SMC1B: variants seen among roughly 807,000 people sequenced by gnomAD.
The protein encoded by SMC1B is structural maintenance of chromosomes 1B, also known as structural maintenance of chromosomes protein 1B.
Under a neutral mutation model 157.9 loss-of-function variants are expected in SMC1B, and 60 were observed. The observed-to-expected ratio is 0.38, with a 90% CI of 0.31 to 0.47. The LOEUF is 0.47. Ranked by LOEUF, SMC1B falls within the 20% of genes least tolerant of loss-of-function variation. SMC1B has a pLI of 0.99. For missense variants in SMC1B, 1,165 were observed against 1,426.2 expected (o/e 0.82, Z 2.95); for synonymous variants, 445 against 483.0 (o/e 0.92, Z 1.03).
At chr22:45,403,353 T>C (rs2087218300) in intron 4 of SMC1B, among the ~76,000 whole-genome samples, 1 of 152,234 alleles carries the variant, frequency 6.6e-6, no homozygotes, top group Non-Finnish European at 1.5e-5. Context: ...CCACTTTCCA[T>C]TTACTTCTTC....
intron 5 of SMC1B, among the ~76,000 whole-genome samples, chr22:45,400,119 C>T (rs1244740555): frequency 1.3e-5 from 2 of 152,062 alleles, no homozygotes; most frequent in South Asian, 2.1e-4. Context: ...CAGGTATTTC[C>T]TAGTTCCAAC....
chr22:45,358,440 A>C (rs1457961401), intron 19 of SMC1B, among the ~76,000 whole-genome samples: 1 of 152,176 alleles, frequency 6.6e-6, no homozygotes, highest in Non-Finnish European at 1.5e-5. Flanking sequence ...CCAGGTAGAC[A>C]GTGTCAGAAT....
intron 21 of SMC1B, 30 bp downstream of exon 21, chr22:45,353,948 C>T: frequency 1.2e-6 from 1 of 832,876 alleles, no homozygotes; most frequent in Non-Finnish European, 1.7e-6. Flanking sequence ...ACAGAATTCT[C>T]ACTAGTATTT....
At chr22:45,412,565 G>A (rs1433038063) in intron 1 of SMC1B, among the ~76,000 whole-genome samples, 3 of 140,150 alleles carry the variant, frequency 2.1e-5, no homozygotes, top group African/African-American at 8.1e-5. Context: ...GGAGTGCAAT[G>A]GCGTGTCCTT....
chr22:45,369,838 C>T (rs571494511), intron 15 of SMC1B, 116 bp downstream of exon 15: 2 of 669,936 alleles, frequency 3.0e-6, no homozygotes, highest in East Asian at 3.2e-5. Flanking sequence ...GCCACCGTGC[C>T]CGGCCTAGCT....
chr22:45,352,370 CAATAGTT>C, intron 22 of SMC1B, 74 bp downstream of exon 22: 1 of 1,281,544 alleles, frequency 7.8e-7, no homozygotes, highest in Non-Finnish European at 1.1e-6. Flanking sequence ...TTAATAAAGA[CAATAGTT>C]AATATATCTT....
chr22:45,394,554 T>G, intron 8 of SMC1B, 131 bp downstream of exon 8: 34 of 1,105,168 alleles, frequency 3.1e-5, no homozygotes, highest in Middle Eastern at 3.4e-4. Flanking sequence ...GAGCGTCATG[T>G]GAGCCCCGGA....
Position 45,402,455 on chromosome 22 carries a change from A to G in SMC1B, c.732T>C (p.His244=), listed in dbSNP as rs759140526. ...KIHLLNTKLE[H]VNRDLSVKRE... ...TTTTGACACTCAAATCCCTATTCACATGCTCTAACTTGGTGTTCAGGAGAT... is the reference window on the plus strand; with the variant it reads ...TTTTGACACTCAAATCCCTATTCACGTGCTCTAACTTGGTGTTCAGGAGAT... The change falls in exon 5 of 25, where the codon CAT becomes CAC. Residue 244 remains histidine, a synonymous_variant. Transcript: ENST00000357450. The G allele has an allele frequency of 3.1e-6, 5 of 1,613,806 alleles. No individual in the cohort carries two copies. Among genetic ancestry groups the G allele is most frequent in the Non-Finnish European group, 4.2e-6 (5 of 1,179,882 alleles).
intron 10 of SMC1B, 113 bp downstream of exon 10, chr22:45,389,599 G>A: frequency 1.2e-6 from 1 of 837,488 alleles, no homozygotes. Context: ...TTGCCTAACT[G>A]GCATCCAAGC....
intron 4 of SMC1B, 41 bp from the exon 5 acceptor site, chr22:45,402,612 T>C (rs760244346): frequency 7.0e-7 from 1 of 1,433,820 alleles, no homozygotes; most frequent in Non-Finnish European, 9.7e-7. Context: ...AAAGGGAGTG[T>C]ATTTAAGTTG....
chr22:45,413,275 G>C (rs1325197237), intron 1 of SMC1B, among the ~76,000 whole-genome samples, 184 bp downstream of exon 1: 5 of 152,138 alleles, frequency 3.3e-5, no homozygotes, highest in Non-Finnish European at 7.4e-5. Context: ...CGGGGCTGAG[G>C]TGGGGTGATG....
chr22:45,353,922 A>AAAAAAAAAAAC, intron 21 of SMC1B, 56 bp downstream of exon 21: 1 of 1,033,200 alleles, frequency 9.7e-7, no homozygotes. Flanking sequence ...AAAAAAAAAC[A>AAAAAAAAAAAC]ACCACCACCG....
At chr22:45,391,585 T>C (rs1224853467) in intron 9 of SMC1B, among the ~76,000 whole-genome samples, 2 of 152,236 alleles carry the variant, frequency 1.3e-5, no homozygotes, top group Non-Finnish European at 2.9e-5. Context: ...TGATTTGCTA[T>C]GGCGGATAAC....
Position 45,371,558 on chromosome 22 carries a change from T to A in SMC1B, c.2226A>T (p.Leu742=), listed in dbSNP as rs2086831908. Residue 742 remains leucine, a synonymous_variant, in exon 14 of 25, where the codon CTA becomes CTT. Coordinates refer to ENST00000357450, the MANE Select transcript of SMC1B (RefSeq NM_148674.5). ...ACATAATACATTGAGACTCAATATTTAGTAGTTCACTTTGTAACTGAGATT... is the reference window on the plus strand; with the variant it reads ...ACATAATACATTGAGACTCAATATTAAGTAGTTCACTTTGTAACTGAGATT... ...QEQSQLQSEL[L]NIESQCIMLS... is the part of the protein sequence containing the mutation. 2 of 1,594,580 alleles carry A rather than the reference T, an allele frequency of 1.3e-6. No individual in the cohort carries two copies. Among genetic ancestry groups the A allele is most frequent in the Non-Finnish European group, 1.7e-6 (2 of 1,173,306 alleles).
intron 1 of SMC1B, among the ~76,000 whole-genome samples, chr22:45,412,415 G>T (rs1354733879): frequency 2.8e-5 from 4 of 143,232 alleles, no homozygotes; most frequent in Admixed American, 7.1e-5. Flanking sequence ...TGGTCAGGCT[G>T]GTCTCGAACT....
chr22:45,375,130 G>A (rs2086872367), intron 12 of SMC1B, among the ~76,000 whole-genome samples: 4 of 152,198 alleles, frequency 2.6e-5, no homozygotes, highest in Admixed American at 2.6e-4. Context: ...TCCCCACTCT[G>A]TTCACCAAGA....
intron 5 of SMC1B, among the ~76,000 whole-genome samples, chr22:45,400,105 T>C (rs1408119438): frequency 3.3e-5 from 5 of 152,216 alleles, no homozygotes; most frequent in Non-Finnish European, 1.5e-5. Flanking sequence ...ATAAATAGTA[T>C]ACACAGGTAT....
intron 10 of SMC1B, 75 bp from the exon 11 acceptor site, chr22:45,387,121 C>T: frequency 7.8e-7 from 1 of 1,287,080 alleles, no homozygotes. Flanking sequence ...TTCTTTCTCA[C>T]AAAACATATA....
At position 45,393,704 on chromosome 22, in the gene SMC1B, T is replaced by C; in HGVS notation, c.1475A>G (p.His492Arg). The C allele has an allele frequency of 6.2e-7, 1 of 1,614,156 alleles. No individual in the cohort carries two copies. The highest frequency in any genetic ancestry group is 8.5e-7 in the Non-Finnish European group (1 of 1,180,016). ...SELQNAGIDT[H>R]EGKRQQKRAE... ...TCTCTTTTGCTGACGTTTTCCCTCA[T>C]GGGTATCAATCCCAGCATTCTGCAA... Residue 492 changes from histidine to arginine, a missense_variant, in exon 9 of 25, where the codon CAT becomes CGT. Coordinates refer to ENST00000357450, the MANE Select transcript of SMC1B (RefSeq NM_148674.5).
Sources: allele counts gnomAD v4.1 joint callset (sites outside exome capture counted in the v4.1 genomes callset), GRCh38; gene constraint gnomAD v4.1.1; transcripts MANE v1.5; gene names NCBI Gene and HGNC (gene_info 2026-07-23, HGNC 2026-07-21).